NT5DC1: variants seen among roughly 807,000 people sequenced by gnomAD.
The protein encoded by NT5DC1 is 5'-nucleotidase domain containing 1, also known as 5'-nucleotidase domain-containing protein 1.
Under a neutral mutation model 59.4 loss-of-function variants are expected in NT5DC1, and 42 were observed. The observed-to-expected ratio is 0.71, with a 90% CI of 0.55 to 0.92. The LOEUF (loss-of-function observed/expected upper bound fraction) is 0.92, where lower values mean the gene tolerates loss of function less well. Ranked by LOEUF, NT5DC1 falls within the 40% of genes least tolerant of loss-of-function variation. The pLI is 0.00. For missense variants in NT5DC1, 501 were observed against 537.1 expected (o/e 0.93, Z 0.66); for synonymous variants, 172 against 188.1 (o/e 0.91, Z 0.70).
chr6:116,120,034 C>CT (rs1408401971), intron 6 of NT5DC1: 2 of 1,556,630 alleles, frequency 1.3e-6, no homozygotes, highest in Admixed American at 3.4e-5. Flanking sequence ...TTAGAGAATG[C>CT]TTTTTCTAGC....
chr6:116,187,607 G>A (rs1054755395), intron 6 of NT5DC1, among the ~76,000 whole-genome samples: 6 of 152,082 alleles, frequency 3.9e-5, no homozygotes, highest in African/African-American at 1.4e-4. Context: ...GTACAGCAGA[G>A]CAGTGGGGAA....
intron 6 of NT5DC1, chr6:116,121,330 G>A: frequency 6.2e-7 from 1 of 1,613,900 alleles, no homozygotes; most frequent in Non-Finnish European, 8.5e-7. Flanking sequence ...GCTTTCCAAT[G>A]CCTTCTGGCC....
intron 6 of NT5DC1, among the ~76,000 whole-genome samples, chr6:116,201,003 C>T (rs148904365): frequency 2.0e-5 from 3 of 152,060 alleles, no homozygotes; most frequent in African/African-American, 4.8e-5. Context: ...TGGAAAAAAG[C>T]GGGAAGGTAC....
intron 6 of NT5DC1, among the ~76,000 whole-genome samples, chr6:116,152,943 A>G (rs1051390942): frequency 6.6e-6 from 1 of 152,014 alleles, no homozygotes; most frequent in Non-Finnish European, 1.5e-5. Flanking sequence ...CCTCCTCCAT[A>G]CTGCTGTCTT....
At chr6:116,198,932 A>G (rs1781288805) in intron 6 of NT5DC1, among the ~76,000 whole-genome samples, 1 of 152,026 alleles carries the variant, frequency 6.6e-6, no homozygotes, top group South Asian at 2.1e-4. Flanking sequence ...AATTAGATGA[A>G]GAATCTTCTA....
intron 6 of NT5DC1, among the ~76,000 whole-genome samples, chr6:116,173,128 C>T (rs1187011490): frequency 6.6e-6 from 1 of 152,022 alleles, no homozygotes; most frequent in Non-Finnish European, 1.5e-5. Flanking sequence ...ATAAATTAAA[C>T]ACAATATACT....
chr6:116,163,877 G>T (rs1243678702), intron 6 of NT5DC1, among the ~76,000 whole-genome samples: 1 of 152,064 alleles, frequency 6.6e-6, no homozygotes, highest in Non-Finnish European at 1.5e-5. Context: ...AGAGCAAGTT[G>T]TTTGGTTTCC....
At chr6:116,179,669 A>G (rs1780832224) in intron 6 of NT5DC1, among the ~76,000 whole-genome samples, 1 of 152,154 alleles carries the variant, frequency 6.6e-6, no homozygotes, top group African/African-American at 2.4e-5. Context: ...TTGAACAAGC[A>G]TTTGGCACTT....
chr6:116,127,754 C>T, intron 6 of NT5DC1, among the ~76,000 whole-genome samples: 1 of 152,108 alleles, frequency 6.6e-6, no homozygotes, highest in African/African-American at 2.4e-5. Flanking sequence ...CACATGCACA[C>T]ACATACTGCT....
At chr6:116,114,793 C>T (rs567054443) in intron 4 of NT5DC1, among the ~76,000 whole-genome samples, 1 of 152,050 alleles carries the variant, frequency 6.6e-6, no homozygotes, top group Non-Finnish European at 1.5e-5. Context: ...CAAGGAGAAG[C>T]GCAGAGAATA....
At chr6:116,115,313 G>C (rs755059304) in intron 4 of NT5DC1, among the ~76,000 whole-genome samples, 2 of 152,136 alleles carry the variant, frequency 1.3e-5, no homozygotes, top group African/African-American at 4.8e-5. Flanking sequence ...TGTATAGAGC[G>C]CTTCATGGTA....
chr6:116,133,145 G>T (rs1405880032), intron 6 of NT5DC1, among the ~76,000 whole-genome samples: 3 of 152,082 alleles, frequency 2.0e-5, no homozygotes, highest in Admixed American at 2.0e-4. Context: ...AGTTTCGTGC[G>T]CCAAGTGCTT....
At chr6:116,197,064 A>G (rs1781244594) in intron 6 of NT5DC1, among the ~76,000 whole-genome samples, 1 of 151,754 alleles carries the variant, frequency 6.6e-6, no homozygotes, top group Non-Finnish European at 1.5e-5. Context: ...CCATAGCCTC[A>G]GAGCCAGAGG....
In NT5DC1 at chr6:116,239,102, C is replaced by G; in HGVS notation, c.1231C>G (p.Pro411Ala). Reference sequence around the variant, plus strand: ...CAGTACTTACAGCACTATTGCAATTCCAAGTATTGAAGCAATCGCAGGTAA... The same window carrying G: ...CAGTACTTACAGCACTATTGCAATTGCAAGTATTGAAGCAATCGCAGGTAA... ...RISTYSTIAI[P>A]SIEAIAELPL... The change falls in exon 11 of 12, where the codon CCA (proline) becomes GCA (alanine). Residue 411 changes from proline to alanine, a missense_variant. Transcript: ENST00000319550. 6.2e-7 allele frequency: 1 copy of G among 1,611,596 alleles called. No individual in the cohort carries two copies. The highest frequency in any genetic ancestry group is 2.2e-5 in the East Asian group (1 of 44,776).
At chr6:116,145,476 A>G (rs1188961217) in intron 6 of NT5DC1, 11 of 380,386 alleles carry the variant, frequency 2.9e-5, no homozygotes, top group Admixed American at 2.7e-4. Flanking sequence ...GGATATATCT[A>G]CAAGTTTCAT....
At chr6:116,106,110 G>A in intron 1 of NT5DC1, 134 bp from the exon 2 acceptor site, 3 of 689,264 alleles carry the variant, frequency 4.4e-6, no homozygotes, top group Non-Finnish European at 7.9e-6. Flanking sequence ...TTATACTGCA[G>A]AACTTCACAA....
chr6:116,134,229 CT>C (rs1779535024), intron 6 of NT5DC1, among the ~76,000 whole-genome samples: 1 of 152,188 alleles, frequency 6.6e-6, no homozygotes, highest in African/African-American at 2.4e-5. Flanking sequence ...CAGACTTTTT[CT>C]GACCCTCTAT....
At position 116,100,857 on chromosome 6, in the gene NT5DC1, T is replaced by A. The variant is rs1778624424; in HGVS notation, c.-74T>A. The A allele has an allele frequency of 2.5e-6, 3 of 1,193,360 alleles. No individual in the cohort carries two copies. In the South Asian group the frequency reaches 4.1e-5, roughly 17 times the overall value. The allele number at this position is 1,193,360 out of a possible 1,614,324, so 73.9% of individuals were successfully genotyped here. A position where few individuals can be genotyped will look rare whatever the true frequency, so the allele number is the denominator to read the frequency against. ...CCCCGCCGCGTCCGGCCCGGTCCTG[T>A]CCCGCAGCGTCCCGCCAGCCAGCTC... On this transcript the variant is annotated 5_prime_UTR_variant, in exon 1 of 12. Transcript: ENST00000319550.
At chr6:116,144,880 G>A (rs1779857618) in intron 6 of NT5DC1, among the ~76,000 whole-genome samples, 1 of 152,130 alleles carries the variant, frequency 6.6e-6, no homozygotes, top group Non-Finnish European at 1.5e-5. Flanking sequence ...TTCAAAAACA[G>A]ACGTTTTCAA....
Sources: allele counts gnomAD v4.1 joint callset (sites outside exome capture counted in the v4.1 genomes callset), GRCh38; gene constraint gnomAD v4.1.1; transcripts MANE v1.5; gene names NCBI Gene and HGNC (gene_info 2026-07-23, HGNC 2026-07-21).